Variants in FKBP5 observed in about 807,000 individuals in gnomAD.
FKBP5 encodes the protein FKBP prolyl isomerase 5.
In FKBP5, 23 loss-of-function variants were observed where a neutral mutation model predicts 50.5. The ratio of observed to expected loss-of-function variants is 0.46; its 90% CI spans 0.33 to 0.65. The LOEUF (loss-of-function observed/expected upper bound fraction) is 0.65. Ranked by LOEUF, FKBP5 falls within the 30% of genes least tolerant of loss-of-function variation. FKBP5 has a pLI of 0.02. For missense variants in FKBP5, 411 were observed against 553.1 expected (o/e 0.74, Z 2.58); for synonymous variants, 176 against 190.6 (o/e 0.92, Z 0.63).
rs1199759886 is a variant in FKBP5 at position 35,575,826 on chromosome 6, G to C, written c.*9C>G. ...AGTTCACTGGGACTCTTCCCTCCTTGGCGTGGCGTCATACGTGGCCCTCAG... is the reference window on the plus strand; with the variant it reads ...AGTTCACTGGGACTCTTCCCTCCTTCGCGTGGCGTCATACGTGGCCCTCAG... On this transcript the variant is annotated 3_prime_UTR_variant, in exon 11 of 11. Coordinates refer to ENST00000357266, the MANE Select transcript of FKBP5 (RefSeq NM_004117.4). 3.8e-6 allele frequency: 6 copies of C among 1,587,582 alleles called. No homozygotes were observed. Among genetic ancestry groups the C allele is most frequent in the Non-Finnish European group, 5.2e-6 (6 of 1,155,926 alleles).
At position 35,700,461 on chromosome 6, in the gene FKBP5, C is replaced by T. The variant is rs1766159954; in HGVS notation, c.-20+19867G>A. Among the ~76,000 whole-genome samples, 3 of 152,202 alleles carry T rather than the reference C, an allele frequency of 2.0e-5. No homozygotes were observed. The South Asian group carries it at 6.2e-4, about 31-fold the overall frequency. The stretch of plus-strand genomic sequence containing the variant: ...ATACACAGGATATGAATACCCGTAG[C>T]CATGGCTCAGTCTATCACAAGAGTG... On this transcript the variant is annotated intron_variant, in intron 2 of 11. Coordinates refer to the FKBP5 transcript ENST00000536438.
chr6:35,604,633 G>T (rs1763250379), intron 5 of FKBP5, among the ~76,000 whole-genome samples: 1 of 151,992 alleles, frequency 6.6e-6, no homozygotes, highest in Non-Finnish European at 1.5e-5. Flanking sequence ...GTACCTTTTT[G>T]ATTTTAGTGT....
chr6:35,592,526 A>G (rs1183007634), intron 6 of FKBP5, among the ~76,000 whole-genome samples: 1 of 152,222 alleles, frequency 6.6e-6, no homozygotes, highest in Admixed American at 6.5e-5. Flanking sequence ...TTGAGCTCTT[A>G]GATGTATATA....
intron 1 of FKBP5, among the ~76,000 whole-genome samples, chr6:35,671,474 C>T (rs954295067): frequency 2.6e-5 from 4 of 151,560 alleles, no homozygotes; most frequent in Non-Finnish European, 5.9e-5. Context: ...TTAAAAGGTC[C>T]CCACTTTTAG....
intron 1 of FKBP5, among the ~76,000 whole-genome samples, chr6:35,659,539 G>A (rs923301780): frequency 1.2e-5 from 1 of 85,126 alleles, no homozygotes; most frequent in East Asian, 3.8e-4. Context: ...GAGCCACCAA[G>A]CCTGGCCGAA....
chr6:35,703,608 T>G (rs1289678422), intron 2 of FKBP5, among the ~76,000 whole-genome samples: 1 of 152,204 alleles, frequency 6.6e-6, no homozygotes, highest in African/African-American at 2.4e-5. Flanking sequence ...TAGTTGTCTT[T>G]GAAGTATTGG....
chr6:35,721,169 T>G (rs1202256258), intron 1 of FKBP5, among the ~76,000 whole-genome samples: 2 of 151,978 alleles, frequency 1.3e-5, no homozygotes, highest in African/African-American at 2.4e-5. Flanking sequence ...CTGGCCAACA[T>G]GGTGAAACCC....
intron 8 of FKBP5, chr6:35,585,931 G>A (rs1379574435): frequency 2.0e-6 from 2 of 983,870 alleles, no homozygotes; most frequent in East Asian, 2.3e-4. Context: ...GATTAACATT[G>A]CCACTCCTCC....
intron 1 of FKBP5, among the ~76,000 whole-genome samples, chr6:35,678,615 A>AT (rs1328904185): frequency 6.6e-6 from 1 of 152,194 alleles, no homozygotes; most frequent in Non-Finnish European, 1.5e-5. Flanking sequence ...AAAAGCAGCT[A>AT]AAGACAAAAA....
At position 35,580,526 on chromosome 6, in the gene FKBP5, C is replaced by CTT. The variant is rs34594222; in HGVS notation, c.841-307_841-306dup. 2.2e-4 allele frequency: 12 copies of CTT among 54,674 alleles called. 2 individuals are homozygous for CTT. Among genetic ancestry groups the CTT allele is most frequent in the African/African-American group, 4.9e-4 (6 of 12,346 alleles). 3.4% of individuals were successfully genotyped at this position (54,674 alleles called of 1,614,324 possible). On this transcript the variant is annotated intron_variant, in intron 8 of 10. Transcript: ENST00000357266. Reference sequence around the variant, plus strand: ...TTCTTTGGTGCTAATATTCTTTAGTCTTTTTTTTTTTTTTTTTTTTTTTTT... The same window carrying CTT: ...TTCTTTGGTGCTAATATTCTTTAGTCTTTTTTTTTTTTTTTTTTTTTTTTTTT...
At chr6:35,649,352 G>A (rs1453188087) in intron 1 of FKBP5, among the ~76,000 whole-genome samples, 1 of 150,706 alleles carries the variant, frequency 6.6e-6, no homozygotes, top group Non-Finnish European at 1.5e-5. Flanking sequence ...TTTTGTAGAT[G>A]CAATTACCTC....
chr6:35,592,856 C>T (rs374972702), intron 6 of FKBP5, among the ~76,000 whole-genome samples: 6 of 150,896 alleles, frequency 4.0e-5, no homozygotes, highest in Middle Eastern at 3.2e-3. Flanking sequence ...CTACAATGCA[C>T]GTGACAGCCC....
Position 35,677,546 on chromosome 6 carries a change from A to T in FKBP5, c.-20+11258T>A, listed in dbSNP as rs118046912. 1.2e-3 allele frequency among the ~76,000 whole-genome samples: 189 copies of T among 152,272 alleles called. 2 individuals are homozygous for T. In the East Asian group the frequency reaches 0.029, roughly 23 times the overall value. On this transcript the variant is annotated intron_variant, in intron 1 of 10. Coordinates refer to ENST00000357266, the MANE Select transcript of FKBP5 (RefSeq NM_004117.4). ...TCGGTTCAGCATTTCCCCTACTACA[A>T]AGCACTTGCAGGTATTCCGGGCTGG...
intron 1 of FKBP5, among the ~76,000 whole-genome samples, chr6:35,727,497 G>A (rs7751693): frequency 0.036 from 5,513 of 152,250 alleles, 102 homozygotes; most frequent in East Asian, 0.065. Flanking sequence ...TCCCGGCGTC[G>A]TGCCAGGGAT....
upstream of FKBP5, among the ~76,000 whole-genome samples, chr6:35,692,460 G>C (rs1228406057): frequency 6.6e-6 from 1 of 152,144 alleles, no homozygotes; most frequent in Admixed American, 6.6e-5. Flanking sequence ...CTTCATCTTG[G>C]TTTCAGAATC....
chr6:35,633,977 T>C (rs1396974060), intron 3 of FKBP5, among the ~76,000 whole-genome samples: 1 of 152,150 alleles, frequency 6.6e-6, no homozygotes, highest in Non-Finnish European at 1.5e-5. Flanking sequence ...AGTTGCCTCT[T>C]TTTTTCTCCC....
chr6:35,695,492 T>C (rs1390281678), intron 2 of FKBP5, among the ~76,000 whole-genome samples: 1 of 152,156 alleles, frequency 6.6e-6, no homozygotes, highest in Non-Finnish European at 1.5e-5. Flanking sequence ...TTTAATGTTA[T>C]ACTGGAGGTT....
chr6:35,655,696 T>C (rs1174029516), intron 1 of FKBP5, among the ~76,000 whole-genome samples: 1 of 152,194 alleles, frequency 6.6e-6, no homozygotes, highest in East Asian at 1.9e-4. Context: ...AAAGAATCAG[T>C]GCTGAAATAC....
intron 3 of FKBP5, among the ~76,000 whole-genome samples, chr6:35,629,521 C>T (rs900028583): frequency 6.6e-5 from 10 of 152,022 alleles, no homozygotes; most frequent in African/African-American, 2.4e-4. Context: ...AACAAACAAA[C>T]AAACAAACAG....
Sources: gnomAD v4.1 joint callset for allele counts (sites outside exome capture counted in the v4.1 genomes callset) on GRCh38, gnomAD v4.1.1 for gene constraint, MANE v1.5 for transcripts, NCBI Gene and HGNC (gene_info 2026-07-23, HGNC 2026-07-21) for gene names.